The following DDX11 variants were observed in gnomAD, a reference collection of about 807,000 sequenced individuals.
DDX11 encodes DEAD/H-box helicase 11, also known as ATP-dependent DNA helicase DDX11.
DDX11 carries 72 observed loss-of-function variants against 125.2 expected under a neutral mutation model. That is an observed-to-expected ratio of 0.58 (90% CI 0.48 to 0.70). DDX11 has a LOEUF of 0.70. Ranked by LOEUF, DDX11 falls within the 30% of genes least tolerant of loss-of-function variation. The probability of loss-of-function intolerance (pLI) is 0.00; values close to 1 mark genes in which losing one functional copy is unlikely to be tolerated. For synonymous variants in DDX11, 347 were observed against 452.6 expected (o/e 0.77, Z 2.96); for missense variants, 883 against 1,165.0 (o/e 0.76, Z 3.52).
intron 9 of DDX11, chr12:31,091,467 G>A (rs1944207962): frequency 2.0e-6 from 1 of 508,878 alleles, no homozygotes; most frequent in South Asian, 2.1e-5. Context: ...GGCTAAGCAG[G>A]GGTTCCCTTC....
intron 1 of DDX11, chr12:31,078,180 G>A (rs553778176): frequency 2.3e-5 from 35 of 1,501,540 alleles, no homozygotes; most frequent in Admixed American, 2.0e-4. Context: ...TGCTACAGCC[G>A]TTAAATGCCG....
chr12:31,083,756 G>A lies in DDX11; in HGVS notation c.145-57G>A, dbSNP rs2140509339. The A allele has an allele frequency of 2.5e-6, 4 of 1,578,416 alleles. No homozygotes were observed. The East Asian group carries it at 6.7e-5, about 26-fold the overall frequency. ...CAAGCTTTTATTAAAATGGGGAAAG[G>A]TCATTTGGGAGGCTTTGTTGTTTTC... On this transcript the variant is annotated intron_variant, in intron 2 of 26. Transcript: ENST00000542838.
At chr12:31,090,715 G>C (rs1410386757) in intron 9 of DDX11, among the ~76,000 whole-genome samples, 1 of 152,174 alleles carries the variant, frequency 6.6e-6, no homozygotes, top group Non-Finnish European at 1.5e-5. Context: ...AGTGACTTTG[G>C]AAACGGGATA....
chr12:31,086,585 G>A (rs1943206641), intron 5 of DDX11, among the ~76,000 whole-genome samples: 1 of 152,202 alleles, frequency 6.6e-6, no homozygotes, highest in African/African-American at 2.4e-5. Flanking sequence ...CCGAGGTCAT[G>A]TTTCTGCTCC....
At chr12:31,099,596 A>G (rs1277565627) in intron 18 of DDX11, among the ~76,000 whole-genome samples, 7 of 149,982 alleles carry the variant, frequency 4.7e-5, no homozygotes, top group Admixed American at 1.3e-4. Context: ...AGTGTAACCC[A>G]CTAAGGATGC....
In DDX11 at chr12:31,094,747, G is replaced by C. The variant is rs1592735817; in HGVS notation, c.1415-8G>C. ...AGCTCCCAAGGCCCTTCATGTGTTT[G>C]TTCTCAGGGACGGAGCTGAAGACCA... On this transcript the variant is annotated splice_region_variant and splice_polypyrimidine_tract_variant and intron_variant, in intron 13 of 26. Coordinates refer to ENST00000542838, the MANE Select transcript of DDX11 (RefSeq NM_030653.4). 6.2e-7 allele frequency: 1 copy of C among 1,607,682 alleles called. No homozygotes were observed. The highest frequency in any genetic ancestry group is 8.5e-7 in the Non-Finnish European group (1 of 1,177,784).
chr12:31,091,998 G>A, intron 10 of DDX11, 127 bp downstream of exon 10: 1 of 1,326,546 alleles, frequency 7.5e-7, no homozygotes, highest in Non-Finnish European at 1.1e-6. Context: ...ACGAGTCAAG[G>A]CGGTGACCTC....
At position 31,083,914 on chromosome 12, in the gene DDX11, C is replaced by T; in HGVS notation, c.246C>T (p.Gly82=). Residue 82 remains glycine (G), a synonymous_variant, in exon 3 of 27, where the codon GGC becomes GGT. Transcript: ENST00000542838. ...CACGACTCCTTGAAACTGGAACTGG[C>T]CCCTTACATGATGAGAAAGATGAAT... is the stretch of plus-strand genomic sequence containing the variant. ...EEARLLETGT[G]PLHDEKDESL... 1 of 1,613,898 alleles carries T rather than the reference C, an allele frequency of 6.2e-7. No homozygotes were observed. The highest frequency in any genetic ancestry group is 2.2e-5 in the East Asian group (1 of 44,890).
In DDX11 at chr12:31,078,531, T is replaced by C; in HGVS notation, c.138T>C (p.Thr46=). 2 of 1,611,902 alleles carry C rather than the reference T, an allele frequency of 1.2e-6. No homozygotes were observed. The highest frequency in any genetic ancestry group is 1.7e-6 in the Non-Finnish European group (2 of 1,179,804). ...AGATTGGGATATTTGAGAGTCCAACTGGCACTGTGAGTATGAACAGTGAGA... is the reference window on the plus strand; with the variant it reads ...AGATTGGGATATTTGAGAGTCCAACCGGCACTGTGAGTATGAACAGTGAGA... ...AGKIGIFESP[T]GTGKSLSLIC... Residue 46 remains threonine, a synonymous_variant, in exon 2 of 27, where the codon ACT becomes ACC. Transcript: ENST00000542838.
At chr12:31,084,899 G>A (rs1263343538) in intron 4 of DDX11, 70 bp from the exon 5 acceptor site, 6 of 1,542,708 alleles carry the variant, frequency 3.9e-6, no homozygotes, top group South Asian at 2.4e-5. Context: ...CTTTGTCTCT[G>A]GCATGTGGGG....
chr12:31,087,579 C>T (rs1943374799), intron 5 of DDX11: 1 of 367,030 alleles, frequency 2.7e-6, no homozygotes, highest in Non-Finnish European at 5.3e-6. Context: ...ATCCGAAGGC[C>T]TGAGATGATG....
chr12:31,078,938 C>T (rs1418511055), intron 2 of DDX11, among the ~76,000 whole-genome samples: 4 of 152,118 alleles, frequency 2.6e-5, no homozygotes, highest in African/African-American at 7.2e-5. Flanking sequence ...CCGCCCGCTT[C>T]GGCCTCCCAA....
chr12:31,084,502 G>A lies in DDX11; in HGVS notation c.394-81G>A, dbSNP rs1208208035. ...GAGATGCCCCCAGTGAGGAGGCGCCGGGCTGAGTGGCCCAGACTCCTTAGG... is the reference window on the plus strand; with the variant it reads ...GAGATGCCCCCAGTGAGGAGGCGCCAGGCTGAGTGGCCCAGACTCCTTAGG... On this transcript the variant is annotated intron_variant, in intron 3 of 26. Coordinates refer to ENST00000542838, the MANE Select transcript of DDX11 (RefSeq NM_030653.4). The A allele has an allele frequency of 7.9e-5, 101 of 1,278,546 alleles. 2 individuals carry two copies. The South Asian group carries it at 8.1e-4, about 10-fold the overall frequency. The allele number at this position is 1,278,546 out of a possible 1,614,324, so 79.2% of individuals were successfully genotyped here. A position where few individuals can be genotyped will look rare whatever the true frequency, so the allele number is the denominator to read the frequency against.
Position 31,097,954 on chromosome 12 carries a change from A to G in DDX11, c.1832A>G (p.Lys611Arg). ...GCTGTGCACTTTGCCCAAGTGGTGA[A>G]GGAATGCCGGGCAGTGGTCATTGCG... ...NPAVHFAQVV[K>R]ECRAVVIAGG... The change falls in exon 18 of 27, where the codon AAG becomes AGG. Residue 611 changes from lysine (K) to arginine (R), a missense_variant. Physicochemically the swap from Lys to Arg is conservative, Grantham distance 26. Around this residue, in one of 5 missense-constraint regions of DDX11, gnomAD observed 241 missense variants for 279.7 expected, o/e 0.86. Transcript: ENST00000542838. The G allele has an allele frequency of 6.2e-7, 1 of 1,613,874 alleles. No homozygotes were observed. Among genetic ancestry groups the G allele is most frequent in the East Asian group, 2.2e-5 (1 of 44,854 alleles).
chr12:31,086,687 G>A (rs1251083507), intron 5 of DDX11, among the ~76,000 whole-genome samples: 2 of 151,900 alleles, frequency 1.3e-5, no homozygotes, highest in African/African-American at 2.4e-5. Context: ...TGCTCCTTCA[G>A]GTCTGGGCAA....
rs1316571769 is a variant in DDX11, at chr12:31,090,107, C to G, written c.1089+13C>G. On this transcript the variant is annotated intron_variant, in intron 9 of 26. Coordinates refer to ENST00000542838, the MANE Select transcript of DDX11 (RefSeq NM_030653.4). ...CCCTGCAGCCCAGGTGAGGGCCCTGCAGGGCCAGAAAGCCGCTCTTGACTC... is the reference window on the plus strand; with the variant it reads ...CCCTGCAGCCCAGGTGAGGGCCCTGGAGGGCCAGAAAGCCGCTCTTGACTC... The G allele has an allele frequency of 6.5e-7, 1 of 1,548,956 alleles. No homozygotes were observed.
chr12:31,083,420 C>T (rs2140503932), intron 2 of DDX11, among the ~76,000 whole-genome samples: 1 of 152,268 alleles, frequency 6.6e-6, no homozygotes, highest in Non-Finnish European at 1.5e-5. Context: ...CACTCTGGCT[C>T]CCTGTTGGCG....
chr12:31,104,381 C>T lies in DDX11; in HGVS notation c.*545C>T, dbSNP rs532667392. On this transcript the variant is annotated 3_prime_UTR_variant, in exon 27 of 27. Coordinates refer to ENST00000542838, the MANE Select transcript of DDX11 (RefSeq NM_030653.4). ...GTCACTCCTTCAGTAGAAGGCCCTGCTCCCTATCCTGTCCCACAGCCCTGC... is the reference window on the plus strand; with the variant it reads ...GTCACTCCTTCAGTAGAAGGCCCTGTTCCCTATCCTGTCCCACAGCCCTGC... 5 of 286,280 alleles carry T rather than the reference C, an allele frequency of 1.7e-5. No individual in the cohort carries two copies. In the East Asian group the frequency reaches 4.0e-4, roughly 23 times the overall value. 17.7% of individuals were successfully genotyped at this position (286,280 alleles called of 1,614,324 possible).
intron 2 of DDX11, among the ~76,000 whole-genome samples, chr12:31,082,695 C>T (rs1458812112): frequency 1.3e-5 from 2 of 151,834 alleles, no homozygotes; most frequent in Non-Finnish European, 2.9e-5. Flanking sequence ...AGGGTCCTCT[C>T]TGGAAGAACT....
Sources: allele counts gnomAD v4.1 joint callset (sites outside exome capture counted in the v4.1 genomes callset), GRCh38; gene constraint gnomAD v4.1.1; regional missense constraint gnomAD v4.1.1; transcripts MANE v1.5; gene names NCBI Gene and HGNC (gene_info 2026-07-23, HGNC 2026-07-21).